Variants in FRMD6 observed in about 807,000 individuals in gnomAD.
The protein encoded by FRMD6 is FERM domain containing 6, also known as FERM domain-containing protein 6.
FRMD6 carries 37 observed loss-of-function variants against 73.2 expected under a neutral mutation model. That is an observed-to-expected ratio of 0.51 (90% CI 0.39 to 0.66). The LOEUF (loss-of-function observed/expected upper bound fraction) is 0.66. FRMD6 is among the 30% of genes least tolerant of loss of function. The pLI is 0.00. For synonymous variants in FRMD6, 273 were observed against 282.2 expected, an observed-to-expected ratio of 0.97 and a Z score of 0.33; for missense variants, 714 against 780.5, an observed-to-expected ratio of 0.91 and a Z score of 1.02.
chr14:51,658,206 A>G (rs572611157), intron 1 of FRMD6, among the ~76,000 whole-genome samples: 72 of 152,342 alleles, frequency 4.7e-4, no homozygotes, highest in African/African-American at 1.7e-3. Flanking sequence ...CTGTTCAGAT[A>G]GACTCAGATC....
At chr14:51,495,830 G>A (rs141634284) in intron 1 of FRMD6, among the ~76,000 whole-genome samples, 25 of 152,296 alleles carry the variant, frequency 1.6e-4, no homozygotes, top group African/African-American at 6.0e-4. Flanking sequence ...ATAAACAGAG[G>A]TGTAATGGAT....
intron 1 of FRMD6, among the ~76,000 whole-genome samples, chr14:51,508,180 G>A (rs535992985): frequency 1.3e-5 from 2 of 151,976 alleles, no homozygotes; most frequent in South Asian, 2.1e-4. Flanking sequence ...CACCTCTCCC[G>A]CTGGGTGACC....
At chr14:51,637,657 C>T (rs556662098) in intron 2 of FRMD6, 1 of 152,218 alleles carries the variant, frequency 6.6e-6, no homozygotes, top group East Asian at 1.9e-4. Flanking sequence ...TATCTAAAAA[C>T]AAACTTAAAG....
intron 1 of FRMD6, among the ~76,000 whole-genome samples, chr14:51,535,558 T>C (rs982976040): frequency 5.9e-5 from 9 of 152,256 alleles, no homozygotes; most frequent in Non-Finnish European, 1.2e-4. Flanking sequence ...ATTAGCACTG[T>C]GTTCCTTTTT....
chr14:51,713,182 C>A (rs1044305454), intron 9 of FRMD6, among the ~76,000 whole-genome samples: 5 of 152,218 alleles, frequency 3.3e-5, no homozygotes, highest in African/African-American at 1.2e-4. Flanking sequence ...TCTGGCCGGG[C>A]ACAGTGGCTC....
chr14:51,418,992 G>A, the FRMD6 span, among the ~76,000 whole-genome samples: 108 of 152,342 alleles, frequency 7.1e-4, 1 homozygote, highest in African/African-American at 2.3e-3. Context: ...AGCCAGGCAC[G>A]GGATATAATC....
At chr14:51,644,993 C>T (rs556660001) in intron 2 of FRMD6, among the ~76,000 whole-genome samples, 1 of 152,254 alleles carries the variant, frequency 6.6e-6, no homozygotes, top group South Asian at 2.1e-4. Flanking sequence ...ATCTTCCAAT[C>T]CATAATTTCT....
chr14:51,498,685 A>G (rs909344498), intron 1 of FRMD6, among the ~76,000 whole-genome samples: 1 of 152,160 alleles, frequency 6.6e-6, no homozygotes, highest in African/African-American at 2.4e-5. Context: ...CTGAGAGTAC[A>G]GTACAAGCTT....
intron 1 of FRMD6, among the ~76,000 whole-genome samples, chr14:51,684,890 CCT>C (rs1423322489): frequency 6.6e-6 from 1 of 152,166 alleles, no homozygotes; most frequent in African/African-American, 2.4e-5. Context: ...AAGTGACCCT[CCT>C]CTGAGAAGAG....
At chr14:51,629,963 A>G (rs950280705) in intron 2 of FRMD6, among the ~76,000 whole-genome samples, 1 of 152,116 alleles carries the variant, frequency 6.6e-6, no homozygotes, top group Non-Finnish European at 1.5e-5. Context: ...CTTTTTTTCA[A>G]ATGAGACAGG....
chr14:51,711,534 A>G lies in FRMD6; in HGVS notation c.718A>G (p.Lys240Glu). The G allele has an allele frequency of 3.1e-6, 5 of 1,596,662 alleles. No individual in the cohort carries two copies. Among genetic ancestry groups the G allele is most frequent in the Non-Finnish European group, 4.3e-6 (5 of 1,165,806 alleles). The change falls in exon 8 of 14, where the codon AAA becomes GAA. Residue 240 changes from lysine (K) to glutamate (E), a missense_variant. Lys to Glu is a moderately conservative substitution (Grantham distance 56). Transcript: ENST00000344768. ...AVHYYRLYKD[K>E]REIEASLTLG... is the part of the protein sequence containing the mutation. ...TTATAAAATCCTATTCCTACAGGAT[A>G]AAAGGGAAATTGAAGCATCGCTGAC...
At chr14:51,427,987 G>C in the FRMD6 span, among the ~76,000 whole-genome samples, 1 of 152,168 alleles carries the variant, frequency 6.6e-6, no homozygotes, top group Non-Finnish European at 1.5e-5. Flanking sequence ...ACATCCAGTG[G>C]ATGTGAACTT....
At chr14:51,618,791 G>T (rs1890808762) in intron 2 of FRMD6, among the ~76,000 whole-genome samples, 1 of 151,628 alleles carries the variant, frequency 6.6e-6, no homozygotes, top group South Asian at 2.1e-4. Context: ...CAATTGAAAT[G>T]GAAATTATTT....
intron 2 of FRMD6, among the ~76,000 whole-genome samples, chr14:51,585,775 A>G (rs534233805): frequency 7.9e-5 from 12 of 151,146 alleles, no homozygotes; most frequent in Non-Finnish European, 1.8e-4. Flanking sequence ...TATACCTATT[A>G]TTTACCTCCC....
At chr14:51,510,958 G>A (rs1273805329) in intron 1 of FRMD6, among the ~76,000 whole-genome samples, 1 of 152,144 alleles carries the variant, frequency 6.6e-6, no homozygotes, top group Non-Finnish European at 1.5e-5. Context: ...ACCTGAGGCA[G>A]TGTCTGGCTC....
intron 2 of FRMD6, among the ~76,000 whole-genome samples, chr14:51,632,539 G>T (rs1258584373): frequency 6.6e-6 from 1 of 152,126 alleles, no homozygotes; most frequent in Non-Finnish European, 1.5e-5. Flanking sequence ...AAAACATTTT[G>T]GGGAAAGATG....
chr14:51,637,197 G>A (rs1467263223), intron 2 of FRMD6, among the ~76,000 whole-genome samples: 2 of 152,128 alleles, frequency 1.3e-5, no homozygotes, highest in African/African-American at 4.8e-5. Context: ...ACTCCAGCCT[G>A]GGTGACGGAG....
At chr14:51,649,573 C>A (rs887421714), upstream of FRMD6, 1 of 152,070 alleles carries the variant, frequency 6.6e-6, no homozygotes, top group Non-Finnish European at 1.5e-5. Context: ...ACATGAAATG[C>A]CGGATTATCT....
At chr14:51,626,280 G>C (rs1309549510) in intron 2 of FRMD6, among the ~76,000 whole-genome samples, 2 of 152,096 alleles carry the variant, frequency 1.3e-5, no homozygotes, top group Non-Finnish European at 2.9e-5. Flanking sequence ...GTCTTATTTT[G>C]GAGGGGTTGT....
Sources: gnomAD v4.1 joint callset for allele counts (sites outside exome capture counted in the v4.1 genomes callset) on GRCh38, gnomAD v4.1.1 for gene constraint, MANE v1.5 for transcripts, NCBI Gene and HGNC (gene_info 2026-07-23, HGNC 2026-07-21) for gene names.